The following KCND2 variants were observed in gnomAD, a reference collection of about 807,000 sequenced individuals.
KCND2 encodes the protein potassium voltage-gated channel subfamily D member 2.
KCND2 carries 16 observed loss-of-function variants against 54.4 expected under a neutral mutation model. The observed-to-expected ratio is 0.29, with a 90% CI of 0.20 to 0.45. The LOEUF is 0.45. KCND2 is among the 20% of genes least tolerant of loss of function. The probability of loss-of-function intolerance (pLI) is 1.00; values close to 1 mark genes in which losing one functional copy is unlikely to be tolerated. For synonymous variants in KCND2, 317 were observed against 310.7 expected, an observed-to-expected ratio of 1.02 and a Z score of -0.21; for missense variants, 486 against 824.2, an observed-to-expected ratio of 0.59 and a Z score of 5.02.
intron 1 of KCND2, among the ~76,000 whole-genome samples, chr7:120,578,106 A>G (rs1435045651): frequency 1.3e-5 from 2 of 151,890 alleles, no homozygotes; most frequent in East Asian, 3.9e-4. Context: ...GAAGAGGAAG[A>G]GGAAGAAGAA....
chr7:120,529,615 A>G (rs1209972157), intron 1 of KCND2, among the ~76,000 whole-genome samples: 1 of 152,186 alleles, frequency 6.6e-6, no homozygotes, highest in African/African-American at 2.4e-5. Context: ...GTGCATAGGC[A>G]TTCAGTTGTT....
intron 1 of KCND2, among the ~76,000 whole-genome samples, chr7:120,658,248 C>T (rs1791826503): frequency 6.6e-6 from 1 of 152,052 alleles, no homozygotes; most frequent in Non-Finnish European, 1.5e-5. Context: ...ATTGAGTCTC[C>T]CCTGTTCCTG....
intron 1 of KCND2, among the ~76,000 whole-genome samples, chr7:120,683,616 C>T (rs578043693): frequency 3.3e-5 from 5 of 152,182 alleles, no homozygotes; most frequent in Non-Finnish European, 7.4e-5. Context: ...AATATCTAAA[C>T]ATGATTATGA....
chr7:120,361,783 C>A (rs187909877), intron 1 of KCND2, among the ~76,000 whole-genome samples: 35 of 152,090 alleles, frequency 2.3e-4, no homozygotes, highest in African/African-American at 8.2e-4. Context: ...AATGAGAGAA[C>A]GTGGTTGAAA....
chr7:120,351,598 T>G (rs2116384877), intron 1 of KCND2, among the ~76,000 whole-genome samples: 1 of 152,004 alleles, frequency 6.6e-6, no homozygotes, highest in African/African-American at 2.4e-5. Context: ...AGGTTCAGAG[T>G]TGGGGACTTC....
chr7:120,718,022 G>A (rs985937659), intron 1 of KCND2, among the ~76,000 whole-genome samples: 1 of 152,092 alleles, frequency 6.6e-6, no homozygotes, highest in African/African-American at 2.4e-5. Context: ...AACCAGGGCA[G>A]TCAGCTCATT....
chr7:120,622,524 G>T (rs1793112036), intron 1 of KCND2, among the ~76,000 whole-genome samples: 2 of 151,708 alleles, frequency 1.3e-5, no homozygotes. Flanking sequence ...CTGTTAATAA[G>T]TAAACAAACA....
chr7:120,301,412 C>A (rs1025536645), intron 1 of KCND2, among the ~76,000 whole-genome samples: 1 of 152,022 alleles, frequency 6.6e-6, no homozygotes, highest in African/African-American at 2.4e-5. Flanking sequence ...AGGTAAATGT[C>A]GAATTTCTCC....
chr7:120,384,260 C>A (rs748589840), intron 1 of KCND2, among the ~76,000 whole-genome samples: 2 of 151,936 alleles, frequency 1.3e-5, no homozygotes, highest in Non-Finnish European at 2.9e-5. Context: ...GGATGTGGAA[C>A]CTGGACAGAG....
chr7:120,368,413 T>TA (rs1437505277), intron 1 of KCND2, among the ~76,000 whole-genome samples: 1 of 151,956 alleles, frequency 6.6e-6, no homozygotes, highest in Non-Finnish European at 1.5e-5. Context: ...AAATAAAAAA[T>TA]AAAAAACTAA....
intron 1 of KCND2, among the ~76,000 whole-genome samples, chr7:120,472,751 G>T (rs192742329): frequency 3.9e-5 from 6 of 152,238 alleles, no homozygotes; most frequent in Admixed American, 3.9e-4. Flanking sequence ...ACACAGAATG[G>T]TATGAACAAT....
At chr7:120,642,882 T>A (rs1793395648) in intron 1 of KCND2, among the ~76,000 whole-genome samples, 1 of 152,212 alleles carries the variant, frequency 6.6e-6, no homozygotes, top group Non-Finnish European at 1.5e-5. Context: ...GCTTTAACCA[T>A]GTGTTGTGAT....
chr7:120,534,658 A>G (rs1216516482), intron 1 of KCND2, among the ~76,000 whole-genome samples: 2 of 152,186 alleles, frequency 1.3e-5, no homozygotes, highest in African/African-American at 4.8e-5. Flanking sequence ...AATTGTGACA[A>G]CCTATATACT....
At chr7:120,561,777 A>G (rs1792236766) in intron 1 of KCND2, among the ~76,000 whole-genome samples, 1 of 151,860 alleles carries the variant, frequency 6.6e-6, no homozygotes, top group Non-Finnish European at 1.5e-5. Context: ...ACATCTGACT[A>G]ATTTTTTTGT....
intron 1 of KCND2, among the ~76,000 whole-genome samples, chr7:120,541,146 T>C (rs1045999115): frequency 2.0e-5 from 3 of 152,180 alleles, no homozygotes; most frequent in Non-Finnish European, 4.4e-5. Flanking sequence ...GTCCCTGTTA[T>C]TAGATTCAAA....
intron 1 of KCND2, among the ~76,000 whole-genome samples, chr7:120,647,427 T>C (rs189467560): frequency 6.6e-6 from 1 of 152,342 alleles, no homozygotes; most frequent in East Asian, 1.9e-4. Flanking sequence ...ATCTTTATTT[T>C]ATGGCTGATA....
intron 1 of KCND2, among the ~76,000 whole-genome samples, chr7:120,379,798 C>A (rs1800889038): frequency 6.6e-6 from 1 of 152,006 alleles, no homozygotes; most frequent in Non-Finnish European, 1.5e-5. Flanking sequence ...CTGAAAGACT[C>A]CTGTCTAGAT....
chr7:120,723,134 G>A (rs945355127), intron 1 of KCND2, among the ~76,000 whole-genome samples: 3 of 152,178 alleles, frequency 2.0e-5, no homozygotes, highest in Non-Finnish European at 2.9e-5. Flanking sequence ...CAGAGTGAAA[G>A]TAGCCCTGAC....
chr7:120,412,640 C>T (rs1279619437), intron 1 of KCND2, among the ~76,000 whole-genome samples: 1 of 152,032 alleles, frequency 6.6e-6, no homozygotes, highest in Non-Finnish European at 1.5e-5. Context: ...GCTTCCCACC[C>T]TGTGCGGTCA....
Sources: gnomAD v4.1 joint callset for allele counts (sites outside exome capture counted in the v4.1 genomes callset) on GRCh38, gnomAD v4.1.1 for gene constraint, MANE v1.5 for transcripts, NCBI Gene and HGNC (gene_info 2026-07-23, HGNC 2026-07-21) for gene names.